CNST: variants seen among roughly 807,000 people sequenced by gnomAD.
The protein encoded by CNST is consortin, connexin sorting protein, also known as consortin.
In CNST, 39 loss-of-function variants were observed where a neutral mutation model predicts 72.4. The ratio of observed to expected loss-of-function variants is 0.54; its 90% CI spans 0.42 to 0.70. The LOEUF is 0.70. Among genes scored for constraint, CNST ranks in the 30% least tolerant of loss-of-function variants. The probability of loss-of-function intolerance (pLI) is 0.00; values close to 1 mark genes in which losing one functional copy is unlikely to be tolerated. For missense variants in CNST, 871 were observed against 868.5 expected, an observed-to-expected ratio of 1.00 and a Z score of -0.04; for synonymous variants, 332 against 320.1, an observed-to-expected ratio of 1.04 and a Z score of -0.40.
chr1:246,629,611 G>A (rs936597997), intron 3 of CNST, among the ~76,000 whole-genome samples: 1 of 152,164 alleles, frequency 6.6e-6, no homozygotes, highest in African/African-American at 2.4e-5. Context: ...AGGAAAAATG[G>A]CTTTGAAGAG....
intron 2 of CNST, among the ~76,000 whole-genome samples, chr1:246,596,053 T>C (rs531303234): frequency 1.7e-3 from 259 of 152,136 alleles, no homozygotes; most frequent in African/African-American, 5.5e-3. Flanking sequence ...CTTTTTTTTT[T>C]CCCCCTTAAG....
At chr1:246,654,187 T>A (rs1666646184) in intron 9 of CNST, among the ~76,000 whole-genome samples, 1 of 152,186 alleles carries the variant, frequency 6.6e-6, no homozygotes, top group Non-Finnish European at 1.5e-5. Flanking sequence ...TGTCCTGGGG[T>A]CTCAGACTAT....
Position 246,633,979 on chromosome 1 carries a change from C to G in CNST, c.672C>G (p.Leu224=), listed in dbSNP as rs377066455. The G allele has an allele frequency of 1.9e-6, 3 of 1,612,942 alleles. No homozygotes were observed. The highest frequency in any genetic ancestry group is 2.7e-5 in the African/African-American group (2 of 74,994). ...AACGATTGTATCATGAGCAATTGCT[C>G]GCAAATCTTTCTGCCATTCAAGAAC... The part of the protein sequence containing the change: ...QLERLYHEQL[L]ANLSAIQEQW... Residue 224 remains leucine, a synonymous_variant, in exon 5 of 11, where the codon CTC becomes CTG. Transcript: ENST00000366513.
Position 246,619,161 on chromosome 1 carries a change from A to G in CNST, c.380-2268A>G, listed in dbSNP as rs1203472597. Among the ~76,000 whole-genome samples the G allele has an allele frequency of 2.6e-5, 4 of 151,714 alleles. No individual in the cohort carries two copies. The East Asian group carries it at 7.7e-4, about 29-fold the overall frequency. On this transcript the variant is annotated intron_variant, in intron 2 of 10. Coordinates refer to ENST00000366513, the MANE Select transcript of CNST (RefSeq NM_152609.3). ...GTGTAGCTAGAGAAAAGGGAAAAAAAAAAAACACTAATTCTCTTAGTTTCT... is the reference window on the plus strand; with the variant it reads ...GTGTAGCTAGAGAAAAGGGAAAAAAGAAAAACACTAATTCTCTTAGTTTCT...
At chr1:246,567,046 C>G (rs1659749522) in intron 1 of CNST, among the ~76,000 whole-genome samples, 1 of 141,838 alleles carries the variant, frequency 7.1e-6, no homozygotes, top group Non-Finnish European at 1.5e-5. Context: ...CCCCCCACAC[C>G]TGGTCCCCCC....
intron 2 of CNST, among the ~76,000 whole-genome samples, chr1:246,602,168 T>C (rs1662328552): frequency 6.6e-6 from 1 of 152,142 alleles, no homozygotes; most frequent in African/African-American, 2.4e-5. Flanking sequence ...AGTACAAACG[T>C]CAGAGGAAGG....
At chr1:246,608,026 A>G (rs1663021295) in intron 2 of CNST, 1 of 152,188 alleles carries the variant, frequency 6.6e-6, no homozygotes, top group Admixed American at 6.5e-5. Context: ...CATTGCAGTG[A>G]GCCGAGATTG....
Position 246,641,993 on chromosome 1 carries a change from T to A in CNST, c.893T>A (p.Val298Glu). Reference protein sequence around the residue: ...QERKCSTQLLVSEDPKEGGAT... With the variant: ...QERKCSTQLLESEDPKEGGAT... ...AGGAAATGCTCCACGCAGTTACTAGTGTCTGAAGATCCAAAGGAAGGAGGA... is the reference window on the plus strand; with the variant it reads ...AGGAAATGCTCCACGCAGTTACTAGAGTCTGAAGATCCAAAGGAAGGAGGA... The change falls in exon 8 of 11, where the codon GTG (valine) becomes GAG (glutamate). Residue 298 changes from valine (V) to glutamate (E), a missense_variant. Physicochemically the swap from Val to Glu is moderately radical, Grantham distance 121. Transcript: ENST00000366513. 1.9e-6 allele frequency: 3 copies of A among 1,612,854 alleles called. No individual in the cohort carries two copies. The highest frequency in any genetic ancestry group is 2.5e-6 in the Non-Finnish European group (3 of 1,179,324).
rs537314140 is a variant in CNST, at chr1:246,664,713, A to C, written c.1973-987A>C. Among the ~76,000 whole-genome samples, 3 of 152,288 alleles carry C rather than the reference A, an allele frequency of 2.0e-5. No individual in the cohort carries two copies. In the East Asian group the frequency reaches 5.8e-4, roughly 29 times the overall value. The stretch of plus-strand genomic sequence containing the variant: ...AGTGCTGGGATTACAGGCGTGAGCC[A>C]CCACACCCAGCCTTAACACTGTCTT... On this transcript the variant is annotated intron_variant, in intron 10 of 10. Transcript: ENST00000366513.
At chr1:246,593,453 G>A (rs911435312) in intron 2 of CNST, among the ~76,000 whole-genome samples, 1 of 151,706 alleles carries the variant, frequency 6.6e-6, no homozygotes, top group Non-Finnish European at 1.5e-5. Flanking sequence ...TGATTCTCCT[G>A]CCTCAGCCTC....
At chr1:246,646,587 T>C (rs1340012694) in intron 8 of CNST, among the ~76,000 whole-genome samples, 2 of 152,122 alleles carry the variant, frequency 1.3e-5, no homozygotes, top group Non-Finnish European at 2.9e-5. Flanking sequence ...TTCAAGCAAT[T>C]CTCTTGCCTC....
chr1:246,611,572 C>T (rs996086562), intron 2 of CNST, among the ~76,000 whole-genome samples: 2 of 152,112 alleles, frequency 1.3e-5, no homozygotes, highest in Non-Finnish European at 2.9e-5. Flanking sequence ...ACCAATTAAT[C>T]TTTGGGAAGT....
At chr1:246,653,289 G>T (rs1666589067) in intron 9 of CNST, among the ~76,000 whole-genome samples, 3 of 152,208 alleles carry the variant, frequency 2.0e-5, no homozygotes, top group Admixed American at 2.0e-4. Context: ...AGATCACTGG[G>T]ATCAGGGAAG....
chr1:246,613,166 G>T (rs893006660), intron 2 of CNST, among the ~76,000 whole-genome samples: 1 of 152,166 alleles, frequency 6.6e-6, no homozygotes, highest in South Asian at 2.1e-4. Context: ...CTGAGATAAA[G>T]TACATCCCAG....
At position 246,634,028 on chromosome 1, in the gene CNST, T is replaced by G; in HGVS notation, c.703+18T>G. ...ACAGTGGGGTAAGTACAGACCAACA[T>G]GGAATGTGGAATTAGCAGTAATCCA... is the stretch of plus-strand genomic sequence containing the variant. On this transcript the variant is annotated intron_variant, in intron 5 of 10. Coordinates refer to ENST00000366513, the MANE Select transcript of CNST (RefSeq NM_152609.3). The G allele has an allele frequency of 6.8e-7, 1 of 1,477,728 alleles. No individual in the cohort carries two copies. The highest frequency in any genetic ancestry group is 9.4e-7 in the Non-Finnish European group (1 of 1,058,444). 91.5% of individuals were successfully genotyped at this position (1,477,728 alleles called of 1,614,324 possible).
intron 8 of CNST, among the ~76,000 whole-genome samples, chr1:246,645,789 C>T (rs1248085866): frequency 6.6e-6 from 1 of 152,100 alleles, no homozygotes; most frequent in Non-Finnish European, 1.5e-5. Context: ...CGAGGATAAG[C>T]AAGCTTCTCT....
Position 246,665,891 on chromosome 1 carries a change from A to T in CNST, c.2164A>T (p.Ile722Phe). The T allele has an allele frequency of 6.2e-7, 1 of 1,611,636 alleles. No homozygotes were observed. Among genetic ancestry groups the T allele is most frequent in the East Asian group, 2.2e-5 (1 of 44,826 alleles). ...GGGAGTGGCAGAACTGAAGCACTGGATCTACCTCTCCTAGCAGCATTCCAG... is the reference window on the plus strand; with the variant it reads ...GGGAGTGGCAGAACTGAAGCACTGGTTCTACCTCTCCTAGCAGCATTCCAG... Reference protein sequence around the residue: ...LQGVAELKHWIYLS With the variant: ...LQGVAELKHWFYLS Residue 722 changes from isoleucine to phenylalanine, a missense_variant, in exon 11 of 11, where the codon ATC becomes TTC. Coordinates refer to ENST00000366513, the MANE Select transcript of CNST (RefSeq NM_152609.3).
intron 1 of CNST, 145 bp from the exon 2 acceptor site, chr1:246,591,367 A>C (rs1357499795): frequency 8.2e-6 from 5 of 612,322 alleles, no homozygotes; most frequent in Non-Finnish European, 1.1e-5. Context: ...GTTGGGTTGC[A>C]TATGGTGAAA....
chr1:246,591,176 T>A (rs1389294113), intron 1 of CNST, among the ~76,000 whole-genome samples: 1 of 152,150 alleles, frequency 6.6e-6, no homozygotes, highest in Non-Finnish European at 1.5e-5. Flanking sequence ...CAGGCAGTGG[T>A]CCCAACCTGA....
Sources: allele counts gnomAD v4.1 joint callset (sites outside exome capture counted in the v4.1 genomes callset), GRCh38; gene constraint gnomAD v4.1.1; transcripts MANE v1.5; gene names NCBI Gene and HGNC (gene_info 2026-07-23, HGNC 2026-07-21).